The following GABRG1 variants were observed in gnomAD, a reference collection of about 807,000 sequenced individuals.
GABRG1 encodes gamma-aminobutyric acid receptor subunit gamma-1.
Under a neutral mutation model 49.8 loss-of-function variants are expected in GABRG1, and 49 were observed. The observed-to-expected ratio is 0.98, with a 90% confidence interval of 0.78 to 1.25. The LOEUF (loss-of-function observed/expected upper bound fraction) is 1.25. GABRG1 is among the 50% of genes most tolerant of loss of function. The pLI is 0.00. For synonymous variants in GABRG1, 232 were observed against 185.1 expected, an observed-to-expected ratio of 1.25 and a Z score of -2.06; for missense variants, 552 against 552.3, an observed-to-expected ratio of 1.00 and a Z score of 0.01.
intron 2 of GABRG1, among the ~76,000 whole-genome samples, chr4:46,090,698 C>T (rs1440750093): frequency 3.3e-5 from 5 of 151,746 alleles, no homozygotes; most frequent in African/African-American, 1.2e-4. Flanking sequence ...GTGAAGAAAG[C>T]AGAGCAAATC....
At chr4:46,041,612 CTATTATA>C (rs1022213909) in intron 8 of GABRG1, among the ~76,000 whole-genome samples, 5 of 151,370 alleles carry the variant, frequency 3.3e-5, no homozygotes, top group African/African-American at 1.2e-4. Context: ...TCTTTTTTTG[CTATTATA>C]TATTATTTAT....
chr4:46,063,763 A>C (rs1049014571), intron 5 of GABRG1, among the ~76,000 whole-genome samples: 2 of 152,050 alleles, frequency 1.3e-5, no homozygotes, highest in Non-Finnish European at 2.9e-5. Flanking sequence ...ATGGGAGAAA[A>C]TTTTTGCAAC....
intron 1 of GABRG1, among the ~76,000 whole-genome samples, chr4:46,104,024 T>C (rs1720459952): frequency 6.6e-6 from 1 of 151,360 alleles, no homozygotes; most frequent in Admixed American, 6.6e-5. Flanking sequence ...CGTTTAGATA[T>C]CTTCATGTCC....
intron 3 of GABRG1, among the ~76,000 whole-genome samples, chr4:46,067,463 C>G (rs1718960070): frequency 1.3e-5 from 2 of 151,878 alleles, no homozygotes; most frequent in Admixed American, 1.3e-4. Flanking sequence ...AATAGTCTAC[C>G]TATATATTTA....
intron 8 of GABRG1, among the ~76,000 whole-genome samples, chr4:46,045,317 A>G (rs1717951891): frequency 6.6e-6 from 1 of 152,096 alleles, no homozygotes; most frequent in Admixed American, 6.6e-5. Flanking sequence ...AAGTGTTAAA[A>G]TGAAATCTTG....
intron 1 of GABRG1, among the ~76,000 whole-genome samples, chr4:46,108,134 G>A (rs1720612258): frequency 6.6e-6 from 1 of 151,104 alleles, no homozygotes; most frequent in Non-Finnish European, 1.5e-5. Flanking sequence ...ATGGTAATAA[G>A]TATGGAATGA....
At chr4:46,100,820 A>C (rs1009233750) in intron 1 of GABRG1, among the ~76,000 whole-genome samples, 2 of 150,590 alleles carry the variant, frequency 1.3e-5, no homozygotes, top group Admixed American at 6.7e-5. Context: ...GGTAGTAGAG[A>C]GGTAATATGA....
At chr4:46,106,891 C>T (rs183634810) in intron 1 of GABRG1, among the ~76,000 whole-genome samples, 170 of 150,988 alleles carry the variant, frequency 1.1e-3, no homozygotes, top group African/African-American at 3.8e-3. Context: ...CAGCTCCAAA[C>T]GCAACTACAT....
chr4:46,117,553 T>A (rs1387962677), intron 1 of GABRG1, among the ~76,000 whole-genome samples: 3 of 130,052 alleles, frequency 2.3e-5, no homozygotes, highest in African/African-American at 9.1e-5. Context: ...TATCTCTGTC[T>A]CTCTCTCTCT....
At chr4:46,082,374 T>A (rs1357380992) in intron 3 of GABRG1, among the ~76,000 whole-genome samples, 1 of 151,630 alleles carries the variant, frequency 6.6e-6, no homozygotes, top group African/African-American at 2.4e-5. Context: ...TTATCTCATC[T>A]TCTTCTAAGC....
chr4:46,093,875 C>A (rs1440003837), intron 2 of GABRG1, among the ~76,000 whole-genome samples: 2 of 151,888 alleles, frequency 1.3e-5, no homozygotes, highest in Non-Finnish European at 1.5e-5. Context: ...TCATTGTAGT[C>A]AGAGATTTTT....
Position 46,065,591 on chromosome 4 carries a change from T to C in GABRG1, c.322-7A>G, listed in dbSNP as rs1458366778. On this transcript the variant is annotated splice_region_variant and splice_polypyrimidine_tract_variant and intron_variant, in intron 3 of 8. Transcript: ENST00000295452. ...TTATATCTATTGTATATTCCTAAAA[T>C]ATAAGAAGAGTAACAACATATTAGT... The C allele has an allele frequency of 8.0e-7, 1 of 1,250,484 alleles. No homozygotes were observed. The highest frequency in any genetic ancestry group is 1.8e-5 in the Admixed American group (1 of 55,192). The allele number at this position is 1,250,484 out of a possible 1,614,324, so 77.5% of individuals were successfully genotyped here.
chr4:46,074,980 G>T (rs1362920347), intron 3 of GABRG1, among the ~76,000 whole-genome samples: 1 of 151,882 alleles, frequency 6.6e-6, no homozygotes, highest in African/African-American at 2.4e-5. Flanking sequence ...ACTCTTATTG[G>T]CGAAATGTGG....
intron 2 of GABRG1, among the ~76,000 whole-genome samples, chr4:46,088,360 A>G (rs918176271): frequency 5.9e-5 from 9 of 152,186 alleles, no homozygotes; most frequent in African/African-American, 2.2e-4. Flanking sequence ...AACCTAGAAG[A>G]TAAGTTTTTT....
chr4:46,092,907 T>C (rs1257791595), intron 2 of GABRG1, among the ~76,000 whole-genome samples: 4 of 151,524 alleles, frequency 2.6e-5, no homozygotes, highest in Non-Finnish European at 5.9e-5. Context: ...CCGTCTCTAC[T>C]AAAAATACAA....
chr4:46,108,163 A>G (rs1720613837), intron 1 of GABRG1, among the ~76,000 whole-genome samples: 1 of 151,152 alleles, frequency 6.6e-6, no homozygotes, highest in Admixed American at 6.6e-5. Flanking sequence ...TAAGAAACAT[A>G]TAGTATTGGG....
chr4:46,087,651 A>ACATGTC (rs1719829111), intron 2 of GABRG1, among the ~76,000 whole-genome samples: 1 of 151,884 alleles, frequency 6.6e-6, no homozygotes, highest in Non-Finnish European at 1.5e-5. Context: ...GAGCTTATAA[A>ACATGTC]CATGTCCCAA....
chr4:46,051,580 A>C lies in GABRG1; in HGVS notation c.975T>G (p.Pro325=), dbSNP rs985696820. The change falls in exon 8 of 9, where the codon CCT becomes CCG. Residue 325 remains proline (P), a synonymous_variant. Coordinates refer to ENST00000295452, the MANE Select transcript of GABRG1 (RefSeq NM_173536.4). ...CCATCGCAGTCACATAAGAAACCTT[A>C]GGTAAAGACTTCCTGGCAATTGTAC... ...TLSTIARKSL[P]KVSYVTAMDL... is the part of the protein sequence containing the mutation. The C allele has an allele frequency of 6.2e-7, 1 of 1,611,522 alleles. No homozygotes were observed. The highest frequency in any genetic ancestry group is 8.5e-7 in the Non-Finnish European group (1 of 1,178,476).
rs186027678 is a variant in GABRG1, at chr4:46,083,479, G to T, written c.321+507C>A. 9.0e-4 allele frequency among the ~76,000 whole-genome samples: 136 copies of T among 151,800 alleles called. 3 individuals carry two copies. In the East Asian group the frequency reaches 0.019, roughly 22 times the overall value. ...ATACAATTTACAAGCTTCCTATTATGATGGCTTACAAGACTGTCCTTGATA... is the reference window on the plus strand; with the variant it reads ...ATACAATTTACAAGCTTCCTATTATTATGGCTTACAAGACTGTCCTTGATA... On this transcript the variant is annotated intron_variant, in intron 3 of 8. Coordinates refer to ENST00000295452, the MANE Select transcript of GABRG1 (RefSeq NM_173536.4).
Sources: gnomAD v4.1 joint callset for allele counts (sites outside exome capture counted in the v4.1 genomes callset) on GRCh38, gnomAD v4.1.1 for gene constraint, MANE v1.5 for transcripts, NCBI Gene and HGNC (gene_info 2026-07-23, HGNC 2026-07-21) for gene names.